The following GSG1L variants were observed in gnomAD, a reference collection of about 807,000 sequenced individuals.
The protein encoded by GSG1L is germ cell-specific gene 1-like protein.
In GSG1L, 24 loss-of-function variants were observed where a neutral mutation model predicts 42.1. The ratio of observed to expected loss-of-function variants is 0.57; its 90% CI spans 0.41 to 0.80. The LOEUF is 0.80. GSG1L is among the 30% of genes least tolerant of loss of function. The pLI is 0.00. For synonymous variants in GSG1L, 215 were observed against 203.5 expected, an observed-to-expected ratio of 1.06 and a Z score of -0.48; for missense variants, 445 against 472.2, an observed-to-expected ratio of 0.94 and a Z score of 0.53.
At chr16:27,957,071 G>A (rs928084285) in intron 2 of GSG1L, among the ~76,000 whole-genome samples, 4 of 152,208 alleles carry the variant, frequency 2.6e-5, no homozygotes, top group African/African-American at 7.2e-5. Flanking sequence ...AACATCAACT[G>A]GGTGCGGTGG....
intron 2 of GSG1L, among the ~76,000 whole-genome samples, chr16:27,890,552 G>A (rs2084113782): frequency 1.3e-5 from 2 of 152,220 alleles, no homozygotes; most frequent in South Asian, 4.1e-4. Context: ...AACCCCTGAG[G>A]GGTGGACTCA....
intron 2 of GSG1L, among the ~76,000 whole-genome samples, chr16:27,954,727 C>A (rs996422076): frequency 1.3e-5 from 2 of 152,178 alleles, no homozygotes; most frequent in African/African-American, 4.8e-5. Flanking sequence ...GATCCTAGCT[C>A]ACTGCAGCCT....
intron 2 of GSG1L, among the ~76,000 whole-genome samples, chr16:27,899,164 C>T (rs1332957980): frequency 6.6e-6 from 1 of 152,242 alleles, no homozygotes; most frequent in African/African-American, 2.4e-5. Flanking sequence ...CTGCTGCTAC[C>T]CTTGAAAACA....
rs2086366949 is a variant in GSG1L at position 28,063,277 on chromosome 16, C to A, written c.148G>T (p.Ala50Ser). 7.3e-7 allele frequency: 1 copy of A among 1,362,496 alleles called. No individual in the cohort carries two copies. Among genetic ancestry groups the A allele is most frequent in the East Asian group, 3.5e-5 (1 of 28,432 alleles). 84.4% of individuals were successfully genotyped at this position (1,362,496 alleles called of 1,614,324 possible). Residue 50 changes from alanine (A) to serine (S), a missense_variant, in exon 1 of 7, where the codon GCC (alanine) becomes TCC (serine). Around this residue, in one of 3 missense-constraint regions of GSG1L, gnomAD observed 156 missense variants for 128.3 expected, o/e 1.22. Coordinates refer to ENST00000447459, the MANE Select transcript of GSG1L (RefSeq NM_001109763.2). The surrounding 1 kb of genome is among the most constrained non-coding windows in gnomAD (Gnocchi z 5.8). The stretch of plus-strand genomic sequence containing the variant: ...TTGGCGCCCGAGTTGGGGCAGTTGG[C>A]GCGCCCGCCCTGGCCGCAGCCCGGC... ...PKPGCGQGGR[A>S]NCPNSGANAT...
intron 2 of GSG1L, among the ~76,000 whole-genome samples, chr16:27,888,494 T>TC (rs2084073417): frequency 1.7e-4 from 1 of 5,940 alleles, no homozygotes; most frequent in African/African-American, 4.4e-4. Context: ...TTTCTTTCTT[T>TC]CTTTCTTTCT....
intron 1 of GSG1L, 122 bp from the exon 2 acceptor site, chr16:27,963,325 C>G: frequency 1.2e-6 from 1 of 809,454 alleles, no homozygotes. Context: ...CCAGTGACAT[C>G]TTTCTCCAAC....
In GSG1L at chr16:27,823,328, C is replaced by G. The variant is rs12598392; in HGVS notation, c.830+5461G>C. The stretch of plus-strand genomic sequence containing the variant: ...ATGACCATGTGCACATGCATACGCA[C>G]ACGCACACAGACGCGCACACACACA... On this transcript the variant is annotated intron_variant, in intron 5 of 6. Transcript: ENST00000447459. Among the ~76,000 whole-genome samples, 26 of 152,272 alleles carry G rather than the reference C, an allele frequency of 1.7e-4. No individual in the cohort carries two copies. The East Asian group carries it at 4.4e-3, about 26-fold the overall frequency.
intron 5 of GSG1L, among the ~76,000 whole-genome samples, chr16:27,816,380 G>C (rs563496880): frequency 1.3e-5 from 2 of 152,326 alleles, no homozygotes; most frequent in South Asian, 4.1e-4. Context: ...AAGAGACAGA[G>C]TCCCCCAAAC....
At chr16:28,000,769 C>A (rs943958658) in intron 1 of GSG1L, among the ~76,000 whole-genome samples, 1 of 152,098 alleles carries the variant, frequency 6.6e-6, no homozygotes, top group African/African-American at 2.4e-5. Flanking sequence ...TTCCTGGATA[C>A]ATCTCTCCTC....
intron 1 of GSG1L, among the ~76,000 whole-genome samples, chr16:27,982,369 C>T (rs1034347108): frequency 6.6e-6 from 1 of 152,154 alleles, no homozygotes; most frequent in African/African-American, 2.4e-5. Context: ...CAGCATCCCC[C>T]GCATCCCAGT....
chr16:27,902,576 G>A (rs1319120654), intron 2 of GSG1L, among the ~76,000 whole-genome samples: 4 of 152,054 alleles, frequency 2.6e-5, no homozygotes, highest in Non-Finnish European at 2.9e-5. Context: ...AGGGGGGGCC[G>A]CTGGTGCAGG....
intron 3 of GSG1L, among the ~76,000 whole-genome samples, chr16:27,872,327 A>T (rs1032484740): frequency 1.3e-5 from 2 of 152,226 alleles, no homozygotes; most frequent in Non-Finnish European, 2.9e-5. Flanking sequence ...CCGTATGGAC[A>T]TGGATGGCCA....
Position 28,063,297 on chromosome 16 carries a change from C to A in GSG1L, c.128G>T (p.Gly43Val). ...GTTGGCGCGCCCGCCCTGGCCGCAG[C>A]CCGGCTTGGGGACCCGCTGCGTGCC... ...CQGTQRVPKP[G>V]CGQGGRANCP... The change falls in exon 1 of 7, where the codon GGC (glycine) becomes GTC (valine). Residue 43 changes from glycine (G) to valine (V), a missense_variant. Around this residue, in one of 3 missense-constraint regions of GSG1L, gnomAD observed 156 missense variants for 128.3 expected, o/e 1.22. Coordinates refer to ENST00000447459, the MANE Select transcript of GSG1L (RefSeq NM_001109763.2). The surrounding 1 kb of genome is among the most constrained non-coding windows in gnomAD (Gnocchi z 5.8). 1.4e-6 allele frequency: 2 copies of A among 1,380,354 alleles called. No homozygotes were observed. The highest frequency in any genetic ancestry group is 1.9e-6 in the Non-Finnish European group (2 of 1,057,934). The allele number at this position is 1,380,354 out of a possible 1,614,324, so 85.5% of individuals were successfully genotyped here. A position where few individuals can be genotyped will look rare whatever the true frequency, so the allele number is the denominator to read the frequency against.
intron 2 of GSG1L, among the ~76,000 whole-genome samples, chr16:27,909,642 T>C (rs2084360880): frequency 6.8e-6 from 1 of 146,374 alleles, no homozygotes; most frequent in Admixed American, 6.8e-5. Flanking sequence ...CAGCTTTTTT[T>C]TTTTTTTTTT....
At chr16:27,879,675 C>T (rs2083928518) in intron 3 of GSG1L, among the ~76,000 whole-genome samples, 1 of 152,090 alleles carries the variant, frequency 6.6e-6, no homozygotes, top group Non-Finnish European at 1.5e-5. Flanking sequence ...ATCTAACCTA[C>T]ATGCATCCTC....
intron 2 of GSG1L, among the ~76,000 whole-genome samples, chr16:27,932,800 C>T (rs2084671412): frequency 6.6e-6 from 1 of 152,058 alleles, no homozygotes; most frequent in Non-Finnish European, 1.5e-5. Flanking sequence ...TACACAGTAT[C>T]CCAGATCATG....
At chr16:27,813,895 T>C (rs2083062108) in intron 5 of GSG1L, among the ~76,000 whole-genome samples, 1 of 152,186 alleles carries the variant, frequency 6.6e-6, no homozygotes, top group African/African-American at 2.4e-5. Context: ...CCTGTGCAGC[T>C]CACTGGGCCG....
intron 2 of GSG1L, among the ~76,000 whole-genome samples, chr16:27,959,651 T>C (rs536761595): frequency 1.2e-4 from 18 of 151,664 alleles, no homozygotes; most frequent in Non-Finnish European, 8.8e-5. Context: ...GGCATGGTAG[T>C]GCGCACCTGT....
chr16:27,804,580 C>G (rs2082935185), intron 6 of GSG1L, among the ~76,000 whole-genome samples: 1 of 151,594 alleles, frequency 6.6e-6, no homozygotes, highest in African/African-American at 2.4e-5. Flanking sequence ...CCAGCACCCA[C>G]AGGGCTGACG....
Sources: gnomAD v4.1 joint callset for allele counts (sites outside exome capture counted in the v4.1 genomes callset) on GRCh38, gnomAD v4.1.1 for gene constraint, gnomAD v4.1.1 regional missense constraint, Gnocchi (gnomAD v3.1) non-coding constraint, MANE v1.5 for transcripts, NCBI Gene and HGNC (gene_info 2026-07-23, HGNC 2026-07-21) for gene names.